The following CDCA2 variants were observed in gnomAD, a reference collection of about 807,000 sequenced individuals.
CDCA2 encodes cell division cycle associated 2, also known as cell division cycle-associated protein 2.
Under a neutral mutation model 67.0 loss-of-function variants are expected in CDCA2, and 44 were observed. The ratio of observed to expected loss-of-function variants is 0.66; its 90% CI spans 0.52 to 0.84. The LOEUF (loss-of-function observed/expected upper bound fraction) is 0.84, where lower values mean the gene tolerates loss of function less well. Among genes scored for constraint, CDCA2 ranks in the 40% least tolerant of loss-of-function variants. The pLI is 0.00. For missense variants in CDCA2, 1,253 were observed against 1,203.2 expected (o/e 1.04, Z -0.61); for synonymous variants, 447 against 418.7 (o/e 1.07, Z -0.82).
Position 25,487,335 on chromosome 8 carries a change from G to A in CDCA2, c.1533+1G>A, listed in dbSNP as rs775809553. On this transcript the variant is annotated splice_donor_variant, in intron 12 of 14. Coordinates refer to ENST00000330560, the MANE Select transcript of CDCA2 (RefSeq NM_152562.4). LOFTEE classifies it high-confidence loss of function. Reference sequence around the variant, plus strand: ...AACAAGGACTTCTAACAGAAGAAATGTAAGTGTTTGTGTTTGGCACAACGT... The same window carrying A: ...AACAAGGACTTCTAACAGAAGAAATATAAGTGTTTGTGTTTGGCACAACGT... The A allele has an allele frequency of 6.4e-7, 1 of 1,573,606 alleles. No individual in the cohort carries two copies. Among genetic ancestry groups the A allele is most frequent in the African/African-American group, 1.4e-5 (1 of 73,862 alleles).
chr8:25,495,902 T>C (rs1005501938), intron 13 of CDCA2, among the ~76,000 whole-genome samples: 2 of 152,352 alleles, frequency 1.3e-5, no homozygotes, highest in African/African-American at 4.8e-5. Context: ...TTTAAAACTT[T>C]GGAAGACTAA....
chr8:25,489,738 C>A (rs796207365), intron 13 of CDCA2, among the ~76,000 whole-genome samples: 4 of 152,186 alleles, frequency 2.6e-5, no homozygotes, highest in African/African-American at 4.8e-5. Flanking sequence ...TGTTTTCTGT[C>A]CCCCATTGTT....
At chr8:25,476,301 T>A (rs549787672) in intron 7 of CDCA2, among the ~76,000 whole-genome samples, 1 of 152,346 alleles carries the variant, frequency 6.6e-6, no homozygotes, top group South Asian at 2.1e-4. Flanking sequence ...TAGATATAAT[T>A]CAGATTTAAC....
In CDCA2 at chr8:25,507,837, A is replaced by G; in HGVS notation, c.*99A>G. ...TTCTCTGTTCAACCTCAGTGTTTCA[A>G]AAGTTCCTAATAAATAAACTCATTT... On this transcript the variant is annotated 3_prime_UTR_variant, in exon 15 of 15. Transcript: ENST00000330560. 2.3e-6 allele frequency: 3 copies of G among 1,282,936 alleles called. No homozygotes were observed. The highest frequency in any genetic ancestry group is 3.9e-5 in the South Asian group (2 of 51,812). The allele number at this position is 1,282,936 out of a possible 1,614,324, so 79.5% of individuals were successfully genotyped here.
intron 13 of CDCA2, among the ~76,000 whole-genome samples, chr8:25,495,786 C>T (rs1014582544): frequency 6.6e-6 from 1 of 152,070 alleles, no homozygotes; most frequent in African/African-American, 2.4e-5. Flanking sequence ...ATGAAACACT[C>T]AATAGAAGCA....
At position 25,459,454 on chromosome 8, in the gene CDCA2, C is replaced by T. The variant is rs1402354229; in HGVS notation, c.-20C>T. 3 of 152,188 alleles carry T rather than the reference C, an allele frequency of 2.0e-5. No homozygotes were observed. The highest frequency in any genetic ancestry group is 4.4e-5 in the Non-Finnish European group (3 of 68,132). 9.4% of individuals were successfully genotyped at this position (152,188 alleles called of 1,614,324 possible). A position where few individuals can be genotyped will look rare whatever the true frequency, so the allele number is the denominator to read the frequency against. Reference sequence around the variant, plus strand: ...GAGTAAGCCTGTCTGCCTGGCGGGCCTTCAGGTGCGGCGTGAGAGGTAGGA... The same window carrying T: ...GAGTAAGCCTGTCTGCCTGGCGGGCTTTCAGGTGCGGCGTGAGAGGTAGGA... On this transcript the variant is annotated 5_prime_UTR_variant, in exon 1 of 15. Coordinates refer to ENST00000330560, the MANE Select transcript of CDCA2 (RefSeq NM_152562.4).
At chr8:25,479,745 C>CTTTTCTGTTTCCAAATGAAATCAGTT (rs1803493109) in intron 7 of CDCA2, 168 bp from the exon 8 acceptor site, 2 of 644,262 alleles carry the variant, frequency 3.1e-6, no homozygotes, top group Non-Finnish European at 5.3e-6. Context: ...TTCTTTACCT[C>CTTTTCTGTTTCCAAATGAAATCAGTT]CTTTTCTGTT....
intron 13 of CDCA2, among the ~76,000 whole-genome samples, chr8:25,501,696 C>G (rs1200022795): frequency 1.3e-5 from 2 of 152,170 alleles, no homozygotes; most frequent in African/African-American, 4.8e-5. Flanking sequence ...CTCCTACAGG[C>G]CAGGTGCCCA....
chr8:25,478,974 A>G (rs1803462510), intron 7 of CDCA2, among the ~76,000 whole-genome samples: 1 of 151,540 alleles, frequency 6.6e-6, no homozygotes, highest in Admixed American at 6.6e-5. Flanking sequence ...AATATAAAGA[A>G]ATCCAGTATT....
chr8:25,464,779 T>A (rs1802834531), intron 4 of CDCA2, among the ~76,000 whole-genome samples: 1 of 152,212 alleles, frequency 6.6e-6, no homozygotes, highest in Non-Finnish European at 1.5e-5. Flanking sequence ...GTTAGATGAA[T>A]TGACATAAGC....
At chr8:25,484,618 G>T (rs1247516399) in intron 10 of CDCA2, among the ~76,000 whole-genome samples, 1 of 143,480 alleles carries the variant, frequency 7.0e-6, no homozygotes, top group Non-Finnish European at 1.5e-5. Context: ...TTGAGATAGG[G>T]TCTTACTCTG....
chr8:25,483,535 T>C, intron 9 of CDCA2, 49 bp downstream of exon 9: 1 of 1,263,508 alleles, frequency 7.9e-7, no homozygotes, highest in Non-Finnish European at 1.1e-6. Context: ...ATTTTCATGT[T>C]AGTAAAACCT....
In CDCA2 at chr8:25,506,988, A is replaced by G. The variant is rs1293136072; in HGVS notation, c.2322A>G (p.Glu774=). ...AGGATGACTTCTTAGGAGCTGCAGA[A>G]GGAAAACTGCAATGCAATCGTTTAA... The part of the protein sequence containing the change: ...ERKDDFLGAA[E]GKLQCNRLMP... Residue 774 remains glutamate, a synonymous_variant, in exon 15 of 15, where the codon GAA becomes GAG. Transcript: ENST00000330560. 1 of 1,614,178 alleles carries G rather than the reference A, an allele frequency of 6.2e-7. No individual in the cohort carries two copies. Among genetic ancestry groups the G allele is most frequent in the East Asian group, 2.2e-5 (1 of 44,872 alleles).
chr8:25,492,646 C>T (rs774955655), intron 13 of CDCA2, among the ~76,000 whole-genome samples: 1 of 152,282 alleles, frequency 6.6e-6, no homozygotes, highest in South Asian at 2.1e-4. Context: ...TCATCTCCCT[C>T]AAGGGGCCCG....
intron 13 of CDCA2, among the ~76,000 whole-genome samples, chr8:25,501,091 G>GA (rs938238660): frequency 6.6e-5 from 10 of 152,044 alleles, no homozygotes; most frequent in Non-Finnish European, 5.9e-5. Context: ...GATGTTCCAT[G>GA]AAAAAAATAT....
intron 7 of CDCA2, among the ~76,000 whole-genome samples, chr8:25,474,549 G>C (rs1297764678): frequency 6.6e-6 from 1 of 152,176 alleles, no homozygotes; most frequent in African/African-American, 2.4e-5. Context: ...GTAGTTGCTT[G>C]TGATCCTTTG....
chr8:25,505,605 A>G (rs1804645554), intron 14 of CDCA2, among the ~76,000 whole-genome samples: 1 of 152,214 alleles, frequency 6.6e-6, no homozygotes, highest in African/African-American at 2.4e-5. Flanking sequence ...CATGATTTTA[A>G]GTACCTTAAT....
Position 25,504,013 on chromosome 8 carries a change from C to G in CDCA2, c.1843+469C>G, listed in dbSNP as rs1804579717. On this transcript the variant is annotated intron_variant, in intron 14 of 14. Coordinates refer to ENST00000330560, the MANE Select transcript of CDCA2 (RefSeq NM_152562.4). ...GCCAGCCTGGGCAACATAGCAAGAC[C>G]CCATCTCTTAAAAAAAAAAGGAACA... Among the ~76,000 whole-genome samples the G allele has an allele frequency of 3.3e-5, 5 of 151,600 alleles. No individual in the cohort carries two copies. In the South Asian group the frequency reaches 1.0e-3, roughly 31 times the overall value.
In CDCA2 at chr8:25,506,623, A is replaced by C. The variant is rs779483985; in HGVS notation, c.1957A>C (p.Lys653Gln). 6.2e-7 allele frequency: 1 copy of C among 1,613,346 alleles called. No individual in the cohort carries two copies. The highest frequency in any genetic ancestry group is 1.3e-5 in the African/African-American group (1 of 75,018). Residue 653 changes from lysine to glutamine, a missense_variant, in exon 15 of 15, where the codon AAA becomes CAA. Lys to Gln is a moderately conservative substitution (Grantham distance 53). Transcript: ENST00000330560. ...TTTGCATATGCATCAAGGCTATGAT[A>C]AATATGATGTCTCTGAATTCTGCTC... ...PDLHMHQGYDKYDVSEFCSYI... is the reference protein window; with the variant it reads ...PDLHMHQGYDQYDVSEFCSYI...
Sources: gnomAD v4.1 joint callset for allele counts (sites outside exome capture counted in the v4.1 genomes callset) on GRCh38, gnomAD v4.1.1 for gene constraint, MANE v1.5 for transcripts, NCBI Gene and HGNC (gene_info 2026-07-23, HGNC 2026-07-21) for gene names.